DNAJC10: variants seen among roughly 807,000 people sequenced by gnomAD.
The protein encoded by DNAJC10 is DnaJ heat shock protein family (Hsp40) member C10.
A neutral mutation model predicts 115.0 loss-of-function variants in DNAJC10; 101 were observed. That is an observed-to-expected ratio of 0.88 (90% CI 0.75 to 1.04). DNAJC10 has a LOEUF of 1.04. Ranked by LOEUF, DNAJC10 falls within the 50% of genes least tolerant of loss-of-function variation. The probability of loss-of-function intolerance (pLI) is 0.00; values close to 1 mark genes in which losing one functional copy is unlikely to be tolerated. For missense variants in DNAJC10, 981 were observed against 928.8 expected, an observed-to-expected ratio of 1.06 and a Z score of -0.73; for synonymous variants, 307 against 301.5, an observed-to-expected ratio of 1.02 and a Z score of -0.19.
At chr2:182,743,561 CAG>C (rs764655411) in intron 13 of DNAJC10, 35 bp from the exon 14 acceptor site, 270 of 1,403,718 alleles carry the variant, frequency 1.9e-4, no homozygotes, top group Non-Finnish European at 2.7e-4. Flanking sequence ...ATGGGTAAGA[CAG>C]TGTTTTTATC....
intron 22 of DNAJC10, among the ~76,000 whole-genome samples, chr2:182,770,311 T>G (rs1442672155): frequency 6.6e-6 from 1 of 152,200 alleles, no homozygotes; most frequent in Non-Finnish European, 1.5e-5. Context: ...CTTTTTTGGT[T>G]CCATATGAAA....
intron 9 of DNAJC10, 56 bp from the exon 10 acceptor site, chr2:182,732,443 A>AT: frequency 6.4e-7 from 1 of 1,558,886 alleles, no homozygotes; most frequent in Non-Finnish European, 8.8e-7. Flanking sequence ...AAATGCAAGT[A>AT]TTTTCATCAG....
At chr2:182,732,451 C>A (rs1457979080) in intron 9 of DNAJC10, 48 bp from the exon 10 acceptor site, 2 of 1,584,608 alleles carry the variant, frequency 1.3e-6, no homozygotes, top group East Asian at 4.5e-5. Context: ...GTATTTTCAT[C>A]AGGCTTAATA....
chr2:182,762,649 CAG>C, intron 21 of DNAJC10, 31 bp from the exon 22 acceptor site: 1 of 1,607,492 alleles, frequency 6.2e-7, no homozygotes, highest in Non-Finnish European at 8.5e-7. Flanking sequence ...TTATGCCAAA[CAG>C]AAAATGGCAA....
At chr2:182,743,166 T>A (rs1335691998) in intron 13 of DNAJC10, among the ~76,000 whole-genome samples, 1 of 152,158 alleles carries the variant, frequency 6.6e-6, no homozygotes, top group Non-Finnish European at 1.5e-5. Context: ...TCTTAATGGA[T>A]CTTCTCTCTT....
At chr2:182,772,692 G>T (rs955380569) in intron 22 of DNAJC10, among the ~76,000 whole-genome samples, 2 of 151,958 alleles carry the variant, frequency 1.3e-5, no homozygotes, top group Non-Finnish European at 2.9e-5. Flanking sequence ...CATTTGCTTG[G>T]TAGATCTTCC....
chr2:182,785,567 A>G lies in DNAJC10; in HGVS notation c.*8435A>G, dbSNP rs1694930848. 1.3e-5 allele frequency: 2 copies of G among 152,244 alleles called. No homozygotes were observed. Among genetic ancestry groups the G allele is most frequent in the Non-Finnish European group, 2.9e-5 (2 of 68,008 alleles). The allele number at this position is 152,244 out of a possible 1,614,324, so 9.4% of individuals were successfully genotyped here. On this transcript the variant is annotated 3_prime_UTR_variant, in exon 24 of 24. Transcript: ENST00000264065. ...AAATAAGATGAGGTAATGTGTTTAG[A>G]AAAACAAATCAATGTGCAGGCAAGA...
intron 17 of DNAJC10, 61 bp from the exon 18 acceptor site, chr2:182,756,253 A>G (rs1467133798): frequency 3.7e-6 from 5 of 1,356,510 alleles, no homozygotes; most frequent in Non-Finnish European, 4.9e-6. Context: ...ACAATTTGCC[A>G]GGAATATATG....
At chr2:182,729,965 T>A in intron 8 of DNAJC10, 24 bp downstream of exon 8, 1 of 1,490,934 alleles carries the variant, frequency 6.7e-7, no homozygotes, top group African/African-American at 1.4e-5. Context: ...CTTAATTTGC[T>A]TGATTTTCAG....
chr2:182,718,207 G>T lies in DNAJC10; in HGVS notation c.121G>T (p.Gly41Ter), dbSNP rs1558993245. ...GTDQDFYSLLGVSKTASSREI... is the reference protein window; with the variant it reads ...GTDQDFYSLL ...AGATCAGGATTTTTACAGTTTACTT[G>T]GAGTGTCCAAAACTGCAAGCAGTAG... The change falls in exon 3 of 24, where the codon GGA becomes TGA. Residue 41 changes from glycine (G) to a stop codon, truncating the protein, a stop_gained. Coordinates refer to ENST00000264065, the MANE Select transcript of DNAJC10 (RefSeq NM_018981.4). LOFTEE classifies it high-confidence loss of function. 1 of 1,613,512 alleles carries T rather than the reference G, an allele frequency of 6.2e-7. No homozygotes were observed. The highest frequency in any genetic ancestry group is 8.5e-7 in the Non-Finnish European group (1 of 1,179,798).
At chr2:182,766,937 AG>A (rs534564494) in intron 22 of DNAJC10, among the ~76,000 whole-genome samples, 133 of 152,154 alleles carry the variant, frequency 8.7e-4, no homozygotes, top group African/African-American at 3.1e-3. Context: ...GCTTTTCTGT[AG>A]GGGGAGGAAA....
chr2:182,784,130 C>T lies in DNAJC10; in HGVS notation c.*6998C>T, dbSNP rs1291429307. 6.6e-6 allele frequency: 1 copy of T among 152,064 alleles called. No homozygotes were observed. Among genetic ancestry groups the T allele is most frequent in the Non-Finnish European group, 1.5e-5 (1 of 68,026 alleles). 9.4% of individuals were successfully genotyped at this position (152,064 alleles called of 1,614,324 possible). ...TCACTTAAGGCCAGGAGTTCAAGAC[C>T]AGCCTAGCCAACATAGTGAAACCCC... On this transcript the variant is annotated 3_prime_UTR_variant, in exon 24 of 24. Coordinates refer to ENST00000264065, the MANE Select transcript of DNAJC10 (RefSeq NM_018981.4).
At chr2:182,744,262 A>T (rs1693808371) in intron 14 of DNAJC10, among the ~76,000 whole-genome samples, 1 of 152,226 alleles carries the variant, frequency 6.6e-6, no homozygotes, top group South Asian at 2.1e-4. Flanking sequence ...AGAAACACAC[A>T]GACTACCAAC....
chr2:182,781,935 A>G lies in DNAJC10; in HGVS notation c.*4803A>G, dbSNP rs981175053. The stretch of plus-strand genomic sequence containing the variant: ...CACTCTGATCATAGTTTCTTTTGCC[A>G]TGCAGAAGCTCTTTAATTAGATCCC... On this transcript the variant is annotated 3_prime_UTR_variant, in exon 24 of 24. Coordinates refer to ENST00000264065, the MANE Select transcript of DNAJC10 (RefSeq NM_018981.4). The G allele has an allele frequency of 2.0e-5, 3 of 152,132 alleles. No individual in the cohort carries two copies. The highest frequency in any genetic ancestry group is 7.2e-5 in the African/African-American group (3 of 41,434). 9.4% of individuals were successfully genotyped at this position (152,132 alleles called of 1,614,324 possible). A position where few individuals can be genotyped will look rare whatever the true frequency, so the allele number is the denominator to read the frequency against.
intron 5 of DNAJC10, among the ~76,000 whole-genome samples, chr2:182,726,118 G>A (rs866184562): frequency 1.3e-4 from 20 of 152,250 alleles, no homozygotes; most frequent in Admixed American, 5.2e-4. Context: ...AGTGTTACAG[G>A]AGTTGGGAAG....
chr2:182,738,580 G>A (rs377261371), intron 11 of DNAJC10, among the ~76,000 whole-genome samples: 11 of 151,062 alleles, frequency 7.3e-5, no homozygotes, highest in Admixed American at 2.6e-4. Context: ...TTGTTCTGTC[G>A]CCCAGGCTGG....
chr2:182,751,625 T>C (rs763578789), intron 14 of DNAJC10, 33 bp from the exon 15 acceptor site: 4 of 1,601,744 alleles, frequency 2.5e-6, no homozygotes, highest in Non-Finnish European at 3.4e-6. Flanking sequence ...AAAGCAGAAT[T>C]TGGATTTGAA....
At chr2:182,741,416 A>C in intron 13 of DNAJC10, 60 bp downstream of exon 13, 2 of 743,478 alleles carry the variant, frequency 2.7e-6, no homozygotes, top group South Asian at 4.4e-5. Flanking sequence ...AATTTAATGC[A>C]TATAATTAAA....
At chr2:182,721,747 A>T (rs75989488) in intron 4 of DNAJC10, among the ~76,000 whole-genome samples, 1 of 152,136 alleles carries the variant, frequency 6.6e-6, no homozygotes, top group African/African-American at 2.4e-5. Context: ...AAACCATAAT[A>T]TAAATTTTAT....
Sources: gnomAD v4.1 joint callset for allele counts (sites outside exome capture counted in the v4.1 genomes callset) on GRCh38, gnomAD v4.1.1 for gene constraint, MANE v1.5 for transcripts, NCBI Gene and HGNC (gene_info 2026-07-23, HGNC 2026-07-21) for gene names.